The following UBL3 variants were observed in gnomAD, a reference collection of about 807,000 sequenced individuals.
UBL3 encodes ubiquitin like 3, also known as ubiquitin-like protein 3.
Under a neutral mutation model 18.4 loss-of-function variants are expected in UBL3, and 6 were observed. That is an observed-to-expected ratio of 0.33 (90% CI 0.18 to 0.64). The LOEUF (loss-of-function observed/expected upper bound fraction) is 0.64, where lower values mean the gene tolerates loss of function less well. Ranked by LOEUF, UBL3 falls within the 30% of genes least tolerant of loss-of-function variation. UBL3 has a pLI of 0.76. For missense variants in UBL3, 109 were observed against 142.9 expected, an observed-to-expected ratio of 0.76 and a Z score of 1.21; for synonymous variants, 49 against 46.6, an observed-to-expected ratio of 1.05 and a Z score of -0.21.
chr13:29,793,611 AATGAT>A (rs1877536614), intron 1 of UBL3, among the ~76,000 whole-genome samples: 1 of 152,168 alleles, frequency 6.6e-6, no homozygotes, highest in Non-Finnish European at 1.5e-5. Flanking sequence ...ATTTTTAATC[AATGAT>A]ATAGCCTATA....
chr13:29,822,597 G>A (rs1878488410), intron 1 of UBL3, among the ~76,000 whole-genome samples: 1 of 152,142 alleles, frequency 6.6e-6, no homozygotes, highest in South Asian at 2.1e-4. Context: ...GAGTGCAGTG[G>A]CGTAATCACA....
At chr13:29,831,822 C>CA (rs572506368) in intron 1 of UBL3, among the ~76,000 whole-genome samples, 36 of 151,688 alleles carry the variant, frequency 2.4e-4, no homozygotes, top group Admixed American at 3.9e-4. Flanking sequence ...AACAAACAAA[C>CA]AAAAAAACAA....
At position 29,835,125 on chromosome 13, in the gene UBL3, AATATATATATATATATAT is replaced by A. The variant is rs59643985; in HGVS notation, c.27+14369_27+14386del. Among the ~76,000 whole-genome samples, 131 of 23,410 alleles carry A rather than the reference AATATATATATATATATAT, an allele frequency of 5.6e-3. 2 individuals are homozygous for A. Among genetic ancestry groups the A allele is most frequent in the East Asian group, 0.033 (20 of 608 alleles). The allele number at this position is 23,410 out of a possible 152,430, so 15.4% of individuals were successfully genotyped here. A position where few individuals can be genotyped will look rare whatever the true frequency, so the allele number is the denominator to read the frequency against. ...ATATATAAATATATATATATATATAAATATATATATATATATATATATATATATATATATATATATATA... is the reference window on the plus strand; with the variant it reads ...ATATATAAATATATATATATATATAAATATATATATATATATATATATATA... On this transcript the variant is annotated intron_variant, in intron 1 of 4. Coordinates refer to ENST00000380680, the MANE Select transcript of UBL3 (RefSeq NM_007106.4).
At chr13:29,840,551 T>G (rs1012758166) in intron 1 of UBL3, among the ~76,000 whole-genome samples, 1 of 31,106 alleles carries the variant, frequency 3.2e-5, no homozygotes, top group Non-Finnish European at 1.0e-4. Context: ...ATTGTTTTCA[T>G]GAACAAAAAA....
intron 1 of UBL3, among the ~76,000 whole-genome samples, chr13:29,800,470 T>C (rs949068784): frequency 6.6e-6 from 1 of 152,166 alleles, no homozygotes; most frequent in Non-Finnish European, 1.5e-5. Context: ...TCTTTTTAAC[T>C]GAGATTCCAT....
rs761620878 is a variant in UBL3, at chr13:29,767,296, G to A, written c.313C>T (p.Arg105Cys). 4.3e-6 allele frequency: 7 copies of A among 1,613,144 alleles called. No individual in the cohort carries two copies. The highest frequency in any genetic ancestry group is 5.9e-6 in the Non-Finnish European group (7 of 1,179,350). The change falls in exon 5 of 5, where the codon CGT becomes TGT. Residue 105 changes from arginine to cysteine, a missense_variant. Physicochemically the swap from Arg to Cys is radical, Grantham distance 180 (BLOSUM62 -3). Transcript: ENST00000380680. ...PEPNSQGQRNREKTGESNCCV... is the reference protein window; with the variant it reads ...PEPNSQGQRNCEKTGESNCCV... ...CAATTACTCTCTCCAGTCTTCTCAC[G>A]ATTCCTCTGACCTAGGGAAAACGAA...
At chr13:29,795,923 C>T (rs1385801361) in intron 1 of UBL3, among the ~76,000 whole-genome samples, 2 of 151,388 alleles carry the variant, frequency 1.3e-5, no homozygotes, top group Non-Finnish European at 2.9e-5. Flanking sequence ...CAGAGGAAGA[C>T]TTTGATCTCT....
intron 1 of UBL3, among the ~76,000 whole-genome samples, chr13:29,794,530 T>A (rs376992432): frequency 1.3e-5 from 2 of 152,230 alleles, no homozygotes; most frequent in East Asian, 3.8e-4. Flanking sequence ...GTAGCAGATA[T>A]GATTTTAAAT....
chr13:29,775,981 T>C (rs540366713), intron 2 of UBL3, among the ~76,000 whole-genome samples: 1 of 152,138 alleles, frequency 6.6e-6, no homozygotes, highest in East Asian at 1.9e-4. Context: ...TTTTCCAAGA[T>C]TGTTATGGTT....
At chr13:29,789,311 G>T (rs1186492643) in intron 1 of UBL3, among the ~76,000 whole-genome samples, 3 of 152,134 alleles carry the variant, frequency 2.0e-5, no homozygotes, top group African/African-American at 7.2e-5. Flanking sequence ...CCACTGAATT[G>T]CACACTTTAA....
At chr13:29,802,382 T>C (rs534363557) in intron 1 of UBL3, among the ~76,000 whole-genome samples, 45 of 152,308 alleles carry the variant, frequency 3.0e-4, no homozygotes, top group African/African-American at 1.0e-3. Flanking sequence ...AAAGAACCAG[T>C]GCATGAACTT....
At chr13:29,841,008 C>G (rs1221795154) in intron 1 of UBL3, among the ~76,000 whole-genome samples, 1 of 151,932 alleles carries the variant, frequency 6.6e-6, no homozygotes, top group Non-Finnish European at 1.5e-5. Context: ...GATACAAAAG[C>G]AAGACTATTT....
intron 1 of UBL3, among the ~76,000 whole-genome samples, chr13:29,829,834 C>T (rs576485897): frequency 1.1e-4 from 17 of 152,066 alleles, no homozygotes; most frequent in Non-Finnish European, 2.2e-4. Context: ...TTGGAACCAC[C>T]CCCTACTCAT....
At chr13:29,832,376 A>G (rs976506014) in intron 1 of UBL3, among the ~76,000 whole-genome samples, 2 of 148,788 alleles carry the variant, frequency 1.3e-5, no homozygotes, top group African/African-American at 5.0e-5. Flanking sequence ...TCTTTCGCCC[A>G]GGCCAGACTG....
At chr13:29,816,754 CAAAAAAAAAAA>C (rs57272367) in intron 1 of UBL3, among the ~76,000 whole-genome samples, 162 of 42,622 alleles carry the variant, frequency 3.8e-3, no homozygotes, top group African/African-American at 9.5e-3. Context: ...GACCCTGTCT[CAAAAAAAAAAA>C]AAAAAAAAAA....
intron 1 of UBL3, among the ~76,000 whole-genome samples, chr13:29,779,431 T>C (rs368171436): frequency 2.0e-5 from 3 of 152,234 alleles, no homozygotes; most frequent in African/African-American, 4.8e-5. Context: ...TTAAGAGTTA[T>C]GCAAATTATG....
Position 29,767,225 on chromosome 13 carries a change from C to T in UBL3, c.*30G>A, listed in dbSNP as rs1232182351. Reference sequence around the variant, plus strand: ...GTCCCAGCAGCATGAAAGACAAAGACTATATCACATCACACTAGGCAGACA... The same window carrying T: ...GTCCCAGCAGCATGAAAGACAAAGATTATATCACATCACACTAGGCAGACA... On this transcript the variant is annotated 3_prime_UTR_variant, in exon 5 of 5. Transcript: ENST00000380680. The T allele has an allele frequency of 6.2e-7, 1 of 1,611,748 alleles. No homozygotes were observed. Among genetic ancestry groups the T allele is most frequent in the African/African-American group, 1.3e-5 (1 of 74,916 alleles).
chr13:29,827,374 G>A (rs1878650425), intron 1 of UBL3, among the ~76,000 whole-genome samples: 1 of 152,166 alleles, frequency 6.6e-6, no homozygotes. Flanking sequence ...CTCCTATATT[G>A]GGTACATATA....
chr13:29,783,299 G>A (rs1298754420), intron 1 of UBL3, among the ~76,000 whole-genome samples: 4 of 152,178 alleles, frequency 2.6e-5, no homozygotes, highest in Non-Finnish European at 5.9e-5. Flanking sequence ...CCGTATTAAC[G>A]TATACATTTG....
Sources: allele counts gnomAD v4.1 joint callset (sites outside exome capture counted in the v4.1 genomes callset), GRCh38; gene constraint gnomAD v4.1.1; transcripts MANE v1.5; gene names NCBI Gene and HGNC (gene_info 2026-07-23, HGNC 2026-07-21).